MDH1: variants seen among roughly 807,000 people sequenced by gnomAD.
MDH1 encodes the protein malate dehydrogenase, cytoplasmic.
MDH1 carries 15 observed loss-of-function variants against 38.7 expected under a neutral mutation model. The ratio of observed to expected loss-of-function variants is 0.39; its 90% CI spans 0.26 to 0.60. The LOEUF is 0.60. Ranked by LOEUF, MDH1 falls within the 20% of genes least tolerant of loss-of-function variation. The pLI, the probability that MDH1 is intolerant of heterozygous loss-of-function variation, is 0.56. For synonymous variants in MDH1, 144 were observed against 143.6 expected (o/e 1.00, Z -0.02); for missense variants, 368 against 405.2 (o/e 0.91, Z 0.79).
chr2:63,601,815 C>CT (rs1176219518), intron 5 of MDH1, among the ~76,000 whole-genome samples: 1 of 152,204 alleles, frequency 6.6e-6, no homozygotes, highest in Non-Finnish European at 1.5e-5. Flanking sequence ...GTTATAGGCT[C>CT]TAACTTCCTG....
At chr2:63,595,741 A>ATG (rs764863473) in intron 3 of MDH1, among the ~76,000 whole-genome samples, 35 of 152,194 alleles carry the variant, frequency 2.3e-4, no homozygotes, top group Admixed American at 8.5e-4. Flanking sequence ...TTTTTCCCCA[A>ATG]TGTGTGTGTG....
chr2:63,597,870 C>A (rs772724440), intron 4 of MDH1: 4 of 189,330 alleles, frequency 2.1e-5, no homozygotes, highest in Non-Finnish European at 4.3e-5. Context: ...ATTTTTGCTG[C>A]GTGGGAATAT....
intron 8 of MDH1, among the ~76,000 whole-genome samples, chr2:63,606,485 A>G (rs1236245185): frequency 6.6e-6 from 1 of 152,234 alleles, no homozygotes; most frequent in African/African-American, 2.4e-5. Flanking sequence ...GGTCATTGAA[A>G]GTTTTTATGA....
intron 1 of MDH1, among the ~76,000 whole-genome samples, chr2:63,592,611 A>G (rs760970466): frequency 2.0e-5 from 3 of 152,220 alleles, no homozygotes; most frequent in Admixed American, 2.0e-4. Flanking sequence ...CCCCCGCGCA[A>G]TGCGCTGGGA....
chr2:63,597,158 AT>A lies in MDH1; in HGVS notation c.200-240del, dbSNP rs1709329756. 9.2e-6 allele frequency: 4 copies of A among 434,098 alleles called. No individual in the cohort carries two copies. In the Admixed American group the frequency reaches 2.6e-4, roughly 28 times the overall value. 26.9% of individuals were successfully genotyped at this position (434,098 alleles called of 1,614,324 possible). A position where few individuals can be genotyped will look rare whatever the true frequency, so the allele number is the denominator to read the frequency against. On this transcript the variant is annotated intron_variant, in intron 3 of 8. Coordinates refer to ENST00000233114, the MANE Select transcript of MDH1 (RefSeq NM_005917.4). ...TATATGATTATAAAAGATAAAAGCTATGGAGTTTTGACATTTAAGTAATTAT... is the reference window on the plus strand; with the variant it reads ...TATATGATTATAAAAGATAAAAGCTAGGAGTTTTGACATTTAAGTAATTAT...
At chr2:63,606,360 C>T (rs907670250) in intron 8 of MDH1, among the ~76,000 whole-genome samples, 1 of 152,130 alleles carries the variant, frequency 6.6e-6, no homozygotes, top group Non-Finnish European at 1.5e-5. Context: ...GGCAACAGAA[C>T]GGGACCCTGT....
At chr2:63,599,922 G>A (rs937346484) in intron 5 of MDH1, 11 of 152,320 alleles carry the variant, frequency 7.2e-5, no homozygotes, top group African/African-American at 2.4e-4. Context: ...TAGAAGCCAG[G>A]CAACTGATCT....
At chr2:63,597,188 A>G in intron 3 of MDH1, 1 of 758,098 alleles carries the variant, frequency 1.3e-6, no homozygotes, top group East Asian at 1.3e-4. Flanking sequence ...TAATTATTGA[A>G]ACAGGAAAAG....
At chr2:63,590,832 G>C (rs1558857732) in intron 1 of MDH1, 1 of 152,166 alleles carries the variant, frequency 6.6e-6, no homozygotes, top group Non-Finnish European at 1.5e-5. Flanking sequence ...CAATTTCCCT[G>C]CCCCCTCAGG....
Position 63,595,468 on chromosome 2 carries a change from C to T in MDH1, c.148C>T (p.Leu50=). The T allele has an allele frequency of 6.2e-7, 1 of 1,613,628 alleles. No individual in the cohort carries two copies. Among genetic ancestry groups the T allele is most frequent in the Non-Finnish European group, 8.5e-7 (1 of 1,179,550 alleles). ...GGATATCACCCCCATGATGGGTGTCCTGGACGGTGTCCTAATGGAACTGCA... is the reference window on the plus strand; with the variant it reads ...GGATATCACCCCCATGATGGGTGTCTTGGACGGTGTCCTAATGGAACTGCA... ...LLDITPMMGV[L]DGVLMELQDC... Residue 50 remains leucine (L), a synonymous_variant, in exon 3 of 9, where the codon CTG becomes TTG. Coordinates refer to ENST00000233114, the MANE Select transcript of MDH1 (RefSeq NM_005917.4).
chr2:63,596,122 A>G (rs548391562), intron 3 of MDH1, among the ~76,000 whole-genome samples: 23 of 152,350 alleles, frequency 1.5e-4, no homozygotes, highest in African/African-American at 5.3e-4. Flanking sequence ...TATAATAAGG[A>G]AGCCTTAAAT....
At chr2:63,604,596 G>T (rs1469028889) in intron 5 of MDH1, 100 bp from the exon 6 acceptor site, 1 of 945,004 alleles carries the variant, frequency 1.1e-6, no homozygotes, top group African/African-American at 1.7e-5. Flanking sequence ...TGAAATTTCA[G>T]AAGCTTTTTA....
chr2:63,589,241 G>C (rs1382181484), intron 1 of MDH1, 195 bp downstream of exon 1: 2 of 1,555,154 alleles, frequency 1.3e-6, no homozygotes, highest in Non-Finnish European at 1.7e-6. Flanking sequence ...ACCTTGCGGG[G>C]TATGGGGCGC....
At position 63,603,605 on chromosome 2, in the gene MDH1, T is replaced by A. The variant is rs550821208; in HGVS notation, c.499-1091T>A. Among the ~76,000 whole-genome samples the A allele has an allele frequency of 5.9e-5, 9 of 151,856 alleles. No individual in the cohort carries two copies. The East Asian group carries it at 1.5e-3, about 26-fold the overall frequency. ...AATTTATTTTCTGCACATAAACTTATCAGACAAATAACAAGCAGGCTGATT... is the reference window on the plus strand; with the variant it reads ...AATTTATTTTCTGCACATAAACTTAACAGACAAATAACAAGCAGGCTGATT... On this transcript the variant is annotated intron_variant, in intron 5 of 8. Coordinates refer to ENST00000233114, the MANE Select transcript of MDH1 (RefSeq NM_005917.4).
chr2:63,588,964 A>G lies in MDH1; in HGVS notation c.-80A>G, dbSNP rs368440806. The G allele has an allele frequency of 2.2e-5, 35 of 1,603,602 alleles. No homozygotes were observed. The highest frequency in any genetic ancestry group is 2.6e-5 in the Non-Finnish European group (31 of 1,170,756). ...TCGCTAACACCGCTCGCCCTCTCCG[A>G]GTCAGTTCCGCGGTAGAGGTGACCT... On this transcript the variant is annotated 5_prime_UTR_variant, in exon 1 of 9. Transcript: ENST00000233114.
chr2:63,601,769 C>G (rs1274765952), intron 5 of MDH1, among the ~76,000 whole-genome samples: 1 of 152,174 alleles, frequency 6.6e-6, no homozygotes, highest in African/African-American at 2.4e-5. Flanking sequence ...TTTGTCTTCA[C>G]TGTACTTGGG....
chr2:63,589,039 C>T lies in MDH1; in HGVS notation c.-5C>T, dbSNP rs748365836. Reference sequence around the variant, plus strand: ...TTGTTGAAATTGTCCCCGCAGTTTTCAATCATGGTGAGTGTGGGCCCCGGG... The same window carrying T: ...TTGTTGAAATTGTCCCCGCAGTTTTTAATCATGGTGAGTGTGGGCCCCGGG... On this transcript the variant is annotated 5_prime_UTR_variant, in exon 1 of 9. Coordinates refer to ENST00000233114, the MANE Select transcript of MDH1 (RefSeq NM_005917.4). 3.7e-6 allele frequency: 6 copies of T among 1,614,242 alleles called. No individual in the cohort carries two copies. The highest frequency in any genetic ancestry group is 5.1e-6 in the Non-Finnish European group (6 of 1,180,040).
At chr2:63,601,521 A>G (rs913625390) in intron 5 of MDH1, among the ~76,000 whole-genome samples, 2 of 152,260 alleles carry the variant, frequency 1.3e-5, no homozygotes, top group African/African-American at 4.8e-5. Context: ...CCTATGTGAC[A>G]GACATGAGTG....
chr2:63,596,632 G>A (rs1430275662), intron 3 of MDH1, among the ~76,000 whole-genome samples: 1 of 152,120 alleles, frequency 6.6e-6, no homozygotes, highest in Non-Finnish European at 1.5e-5. Context: ...TGGTGTTCCT[G>A]TCTATGCCCA....
Sources: allele counts gnomAD v4.1 joint callset (sites outside exome capture counted in the v4.1 genomes callset), GRCh38; gene constraint gnomAD v4.1.1; transcripts MANE v1.5; gene names NCBI Gene and HGNC (gene_info 2026-07-23, HGNC 2026-07-21).